The following ARRDC4 variants were observed in gnomAD, a reference collection of about 807,000 sequenced individuals.
ARRDC4 encodes the protein arrestin domain containing 4, also known as arrestin domain-containing protein 4.
In ARRDC4, 40 loss-of-function variants were observed where a neutral mutation model predicts 44.6. The ratio of observed to expected loss-of-function variants is 0.90; its 90% confidence interval spans 0.70 to 1.17. The LOEUF (loss-of-function observed/expected upper bound fraction) is 1.17. Among genes scored for constraint, ARRDC4 ranks in the 50% most tolerant of loss-of-function variants. ARRDC4 has a pLI of 0.00. For synonymous variants in ARRDC4, 211 were observed against 221.2 expected (o/e 0.95, Z 0.41); for missense variants, 550 against 559.1 (o/e 0.98, Z 0.16).
rs1490591163 is a variant in ARRDC4 at position 97,961,099 on chromosome 15, G to T, written c.238G>T (p.Ala80Ser). 4 of 1,449,406 alleles carry T rather than the reference G, an allele frequency of 2.8e-6. No individual in the cohort carries two copies. In the Admixed American group the frequency reaches 8.1e-5, roughly 29 times the overall value. The allele number at this position is 1,449,406 out of a possible 1,614,324, so 89.8% of individuals were successfully genotyped here. ...CTGCCCCCGCGCCTCGGCCAGCACCGCGGCCCTGGCTGTCTTCTCGGAGGT... is the reference window on the plus strand; with the variant it reads ...CTGCCCCCGCGCCTCGGCCAGCACCTCGGCCCTGGCTGTCTTCTCGGAGGT... ...STCPRASAST[A>S]ALAVFSEVEY... Residue 80 changes from alanine to serine, a missense_variant, in exon 1 of 8, where the codon GCG becomes TCG. Physicochemically the swap from Ala to Ser is moderately conservative, Grantham distance 99 (BLOSUM62 1). Coordinates refer to ENST00000268042, the MANE Select transcript of ARRDC4 (RefSeq NM_183376.3).
Position 97,967,278 on chromosome 15 carries a change from C to T in ARRDC4, c.523-736C>T, listed in dbSNP as rs911632409. Among the ~76,000 whole-genome samples, 2 of 151,440 alleles carry T rather than the reference C, an allele frequency of 1.3e-5. No homozygotes were observed. Among genetic ancestry groups the T allele is most frequent in the South Asian group, 2.1e-4 (1 of 4,798 alleles). ...AAAAACAGACACTGTTGATCCCTTA[C>T]GATTCTTTATATAAATAAAAAAAAA... On this transcript the variant is annotated intron_variant, in intron 3 of 7. Transcript: ENST00000268042. This position sits in a 1 kb window ranked among gnomAD's most constrained non-coding sequence, Gnocchi z 5.0.
At chr15:97,963,341 G>T (rs1899357357) in intron 1 of ARRDC4, among the ~76,000 whole-genome samples, 1 of 152,158 alleles carries the variant, frequency 6.6e-6, no homozygotes, top group Non-Finnish European at 1.5e-5. Context: ...AAGAGGAAAA[G>T]AAAACAAAGA....
At chr15:97,961,281 T>A in intron 1 of ARRDC4, 113 bp downstream of exon 1, 1 of 1,017,214 alleles carries the variant, frequency 9.8e-7, no homozygotes. Context: ...AGGGCGGGCT[T>A]CCGGGGGTGG....
rs1160032375 is a variant in ARRDC4 at position 97,970,090 on chromosome 15, A to G, written c.1045+45A>G. 2.5e-6 allele frequency: 4 copies of G among 1,572,698 alleles called. No homozygotes were observed. Among genetic ancestry groups the G allele is most frequent in the Non-Finnish European group, 2.6e-6 (3 of 1,150,626 alleles). On this transcript the variant is annotated intron_variant, in intron 6 of 7. Transcript: ENST00000268042. This position sits in a 1 kb window ranked among gnomAD's most constrained non-coding sequence, Gnocchi z 4.2. ...TTTCATAACGAAGCTTTACCTAGAA[A>G]ATACCTAGGAACAGAATATATACAC...
rs893697308 is a variant in ARRDC4 at position 97,971,974 on chromosome 15, T to C, written c.*787T>C. 1 of 152,572 alleles carries C rather than the reference T, an allele frequency of 6.6e-6. No homozygotes were observed. Among genetic ancestry groups the C allele is most frequent in the Non-Finnish European group, 1.5e-5 (1 of 68,020 alleles). The allele number at this position is 152,572 out of a possible 1,614,324, so 9.5% of individuals were successfully genotyped here. Reference sequence around the variant, plus strand: ...TACGTTTGATTTTCCTCATATCTTATTTACCTAGGAGCATGTAAGAGAAAG... The same window carrying C: ...TACGTTTGATTTTCCTCATATCTTACTTACCTAGGAGCATGTAAGAGAAAG... On this transcript the variant is annotated 3_prime_UTR_variant, in exon 8 of 8. Coordinates refer to ENST00000268042, the MANE Select transcript of ARRDC4 (RefSeq NM_183376.3).
intron 1 of ARRDC4, among the ~76,000 whole-genome samples, chr15:97,963,242 A>C (rs1899352291): frequency 6.6e-6 from 1 of 152,242 alleles, no homozygotes; most frequent in Admixed American, 6.5e-5. Flanking sequence ...TCAGTATACA[A>C]GACAGAAATA....
intron 5 of ARRDC4, 52 bp from the exon 6 acceptor site, chr15:97,969,831 G>C: frequency 6.8e-7 from 1 of 1,481,128 alleles, no homozygotes; most frequent in Non-Finnish European, 9.1e-7. Context: ...CCTACTGGAG[G>C]TGTAGCTTAC....
chr15:97,970,557 A>G lies in ARRDC4; in HGVS notation c.1046-32A>G. ...AGAATCGAGATTAATTTTTGAGTGG[A>G]TTTCTTAACTCCAACTTCATTTCTA... On this transcript the variant is annotated intron_variant, in intron 6 of 7. Coordinates refer to ENST00000268042, the MANE Select transcript of ARRDC4 (RefSeq NM_183376.3). This position sits in a 1 kb window ranked among gnomAD's most constrained non-coding sequence, Gnocchi z 4.2. The G allele has an allele frequency of 1.9e-6, 3 of 1,575,844 alleles. No individual in the cohort carries two copies. Among genetic ancestry groups the G allele is most frequent in the Non-Finnish European group, 2.6e-6 (3 of 1,156,254 alleles).
In ARRDC4 at chr15:97,960,888, G is replaced by A; in HGVS notation, c.27G>A (p.Ala9=). Residue 9 remains alanine (A), a synonymous_variant, in exon 1 of 8, where the codon GCG becomes GCA. Coordinates refer to ENST00000268042, the MANE Select transcript of ARRDC4 (RefSeq NM_183376.3). ...TGGGCGGGGAGGCTGGGTGCGCGGC[G>A]GCCGTGGGTGCCGAGGGCCGCGTGA... is the stretch of plus-strand genomic sequence containing the variant. MGGEAGCA[A]AVGAEGRVKS... is the part of the protein sequence containing the mutation. 7.2e-7 allele frequency: 1 copy of A among 1,398,570 alleles called. No individual in the cohort carries two copies. The allele number at this position is 1,398,570 out of a possible 1,614,324, so 86.6% of individuals were successfully genotyped here. A position where few individuals can be genotyped will look rare whatever the true frequency, so the allele number is the denominator to read the frequency against.
rs573572854 is a variant in ARRDC4, at chr15:97,965,107, G to A, written c.308-493G>A. Among the ~76,000 whole-genome samples the A allele has an allele frequency of 1.3e-5, 2 of 152,042 alleles. No individual in the cohort carries two copies. Among genetic ancestry groups the A allele is most frequent in the Non-Finnish European group, 2.9e-5 (2 of 68,036 alleles). On this transcript the variant is annotated intron_variant, in intron 1 of 7. Transcript: ENST00000268042. This position sits in a 1 kb window ranked among gnomAD's most constrained non-coding sequence, Gnocchi z 5.1. ...TGGTCTATTTGAGAATGGAATATAT[G>A]TGTGTATGTATGTGTGAGTGTTATG...
chr15:97,971,897 C>G lies in ARRDC4; in HGVS notation c.*710C>G, dbSNP rs1252480733. The stretch of plus-strand genomic sequence containing the variant: ...AAAGATGAATTTCAATGTGAAAACA[C>G]GTTTTGTTGAGGGCTGTACTTTTTA... On this transcript the variant is annotated 3_prime_UTR_variant, in exon 8 of 8. Transcript: ENST00000268042. 6.6e-6 allele frequency: 1 copy of G among 152,270 alleles called. No homozygotes were observed. The highest frequency in any genetic ancestry group is 1.5e-5 in the Non-Finnish European group (1 of 68,022). 9.4% of individuals were successfully genotyped at this position (152,270 alleles called of 1,614,324 possible). A position where few individuals can be genotyped will look rare whatever the true frequency, so the allele number is the denominator to read the frequency against.
chr15:97,962,921 T>C (rs1899346393), intron 1 of ARRDC4, among the ~76,000 whole-genome samples: 1 of 152,242 alleles, frequency 6.6e-6, no homozygotes, highest in Non-Finnish European at 1.5e-5. Context: ...GGATCTGTTT[T>C]CACAAATGCT....
At chr15:97,969,073 G>A (rs774981988) in intron 4 of ARRDC4, 50 bp from the exon 5 acceptor site, 1 of 1,589,700 alleles carries the variant, frequency 6.3e-7, no homozygotes, top group South Asian at 1.1e-5. Context: ...ATTGTGGTGA[G>A]AACTTTTTCA....
At chr15:97,961,279 C>A in intron 1 of ARRDC4, 111 bp downstream of exon 1, 1 of 1,040,982 alleles carries the variant, frequency 9.6e-7, no homozygotes, top group Non-Finnish European at 1.2e-6. Context: ...TCAGGGCGGG[C>A]TTCCGGGGGT....
rs1567193396 is a variant in ARRDC4, at chr15:97,965,166, C to T, written c.308-434C>T. ...TAAAAACTGGCCAAGTGCAGTAGCT[C>T]ACCCCTATAAGCTTAGTGCTTTGGG... is the stretch of plus-strand genomic sequence containing the variant. On this transcript the variant is annotated intron_variant, in intron 1 of 7. Transcript: ENST00000268042. This position sits in a 1 kb window ranked among gnomAD's most constrained non-coding sequence, Gnocchi z 5.1. Among the ~76,000 whole-genome samples, 1 of 152,160 alleles carries T rather than the reference C, an allele frequency of 6.6e-6. No homozygotes were observed. Among genetic ancestry groups the T allele is most frequent in the Non-Finnish European group, 1.5e-5 (1 of 68,036 alleles).
chr15:97,963,789 A>C (rs1182476724), intron 1 of ARRDC4, among the ~76,000 whole-genome samples: 1 of 152,218 alleles, frequency 6.6e-6, no homozygotes, highest in Admixed American at 6.5e-5. Flanking sequence ...TGAAATACAC[A>C]TTTCAAAACA....
chr15:97,961,288 G>T, intron 1 of ARRDC4, 120 bp downstream of exon 1: 2 of 954,198 alleles, frequency 2.1e-6, no homozygotes, highest in African/African-American at 1.7e-5. Flanking sequence ...GCTTCCGGGG[G>T]TGGGGTCCGG....
chr15:97,969,167 C>G lies in ARRDC4; in HGVS notation c.670C>G (p.Arg224Gly). ...TGCAGAAATAGAAAATTGTTCCTCT[C>G]GTCTGATTGTTCCAAAGGCTGCTAT... ...IYAEIENCSS[R>G]LIVPKAAIFQ... The change falls in exon 5 of 8, where the codon CGT (arginine) becomes GGT (glycine). Residue 224 changes from arginine to glycine, a missense_variant. Physicochemically the swap from Arg to Gly is moderately radical, Grantham distance 125. Transcript: ENST00000268042. 1 of 1,613,872 alleles carries G rather than the reference C, an allele frequency of 6.2e-7. No individual in the cohort carries two copies. The highest frequency in any genetic ancestry group is 8.5e-7 in the Non-Finnish European group (1 of 1,179,822).
intron 1 of ARRDC4, among the ~76,000 whole-genome samples, chr15:97,961,645 T>C (rs28712629): frequency 0.82 from 124,345 of 152,156 alleles, 51,370 homozygotes; most frequent in African/African-American, 0.93. Flanking sequence ...GGAAGTAGTT[T>C]CTGAGGGGTA....
Sources: gnomAD v4.1 joint callset for allele counts (sites outside exome capture counted in the v4.1 genomes callset) on GRCh38, gnomAD v4.1.1 for gene constraint, Gnocchi (gnomAD v3.1) non-coding constraint, MANE v1.5 for transcripts, NCBI Gene and HGNC (gene_info 2026-07-23, HGNC 2026-07-21) for gene names.